The following VPS13C variants were observed in gnomAD, a reference collection of about 807,000 sequenced individuals.
VPS13C encodes the protein vacuolar protein sorting 13 homolog C.
Under a neutral mutation model 456.8 loss-of-function variants are expected in VPS13C, and 358 were observed. That is an observed-to-expected ratio of 0.78 (90% CI 0.72 to 0.86). The LOEUF is 0.86. Among genes scored for constraint, VPS13C ranks in the 40% least tolerant of loss-of-function variants. The pLI is 0.00. For missense variants in VPS13C, 4,818 were observed against 4,385.4 expected (o/e 1.10, Z -2.79); for synonymous variants, 1,578 against 1,486.7 (o/e 1.06, Z -1.41).
intron 49 of VPS13C, among the ~76,000 whole-genome samples, chr15:61,932,832 C>T (rs1021963240): frequency 6.6e-6 from 1 of 152,206 alleles, no homozygotes; most frequent in Non-Finnish European, 1.5e-5. Flanking sequence ...GATGACAACA[C>T]ACTAATGTTT....
intron 10 of VPS13C, among the ~76,000 whole-genome samples, chr15:62,013,669 A>G (rs185745517): frequency 5.3e-5 from 8 of 152,168 alleles, no homozygotes; most frequent in Admixed American, 5.2e-4. Flanking sequence ...TCTCTACAAC[A>G]TCTCAAAATA....
chr15:61,919,661 A>G (rs2043585862), intron 57 of VPS13C, among the ~76,000 whole-genome samples: 1 of 151,870 alleles, frequency 6.6e-6, no homozygotes, highest in South Asian at 2.1e-4. Flanking sequence ...GGGGTTTTGA[A>G]TATAAAAACA....
intron 6 of VPS13C, 133 bp downstream of exon 6, chr15:62,028,225 G>C: frequency 1.2e-6 from 1 of 817,344 alleles, no homozygotes; most frequent in Non-Finnish European, 2.0e-6. Flanking sequence ...AATGATGGTA[G>C]AGGGGGAAAA....
chr15:61,939,102 A>G (rs187870302), intron 47 of VPS13C, among the ~76,000 whole-genome samples: 132 of 152,328 alleles, frequency 8.7e-4, no homozygotes, highest in African/African-American at 2.9e-3. Context: ...TGAAGATACC[A>G]AAATTTTATC....
At position 61,951,942 on chromosome 15, in the gene VPS13C, T is replaced by A. The variant is rs1214838756; in HGVS notation, c.4338A>T (p.Gly1446=). ...VTLMKKSEKK[G]RPLHELNVLQ... ...GGACATTTAGCTCATGTAAAGGCCT[T>A]CCTTTCTTTTCTGATTTTTTCATCA... The change falls in exon 39 of 85, where the codon GGA becomes GGT. Residue 1446 remains glycine (G), a synonymous_variant. Coordinates refer to ENST00000644861, the MANE Select transcript of VPS13C (RefSeq NM_020821.3). 3 of 1,613,280 alleles carry A rather than the reference T, an allele frequency of 1.9e-6. No individual in the cohort carries two copies. The highest frequency in any genetic ancestry group is 3.3e-5 in the Admixed American group (2 of 59,914).
Position 61,867,630 on chromosome 15 carries a change from TA to T in VPS13C, c.10863+1028del. Reference sequence around the variant, plus strand: ...TAAGATAAAATTTTCGAAATGATAGTAACAGTATCTGCTTCTGAGCTCAATA... The same window carrying T: ...TAAGATAAAATTTTCGAAATGATAGTACAGTATCTGCTTCTGAGCTCAATA... On this transcript the variant is annotated intron_variant, in intron 81 of 84. Transcript: ENST00000644861. This position sits in a 1 kb window ranked among gnomAD's most constrained non-coding sequence, Gnocchi z 5.0. 1 of 1,139,450 alleles carries T rather than the reference TA, an allele frequency of 8.8e-7. No individual in the cohort carries two copies. The highest frequency in any genetic ancestry group is 1.1e-6 in the Non-Finnish European group (1 of 929,024). The allele number at this position is 1,139,450 out of a possible 1,614,324, so 70.6% of individuals were successfully genotyped here.
At chr15:61,993,466 C>T (rs752058305) in intron 16 of VPS13C, among the ~76,000 whole-genome samples, 3 of 151,662 alleles carry the variant, frequency 2.0e-5, no homozygotes, top group Non-Finnish European at 4.4e-5. Context: ...GGCGACAAAC[C>T]CCAACATTCA....
Position 61,880,742 on chromosome 15 carries a change from G to C in VPS13C, c.9889-20C>G. 2 of 1,539,662 alleles carry C rather than the reference G, an allele frequency of 1.3e-6. No individual in the cohort carries two copies. The highest frequency in any genetic ancestry group is 1.8e-6 in the Non-Finnish European group (2 of 1,138,672). On this transcript the variant is annotated intron_variant, in intron 72 of 84. Coordinates refer to ENST00000644861, the MANE Select transcript of VPS13C (RefSeq NM_020821.3). ...CTTTGTCTGAAAAAAATAAAATCAAGAATTTCTATTTTAATTTTTTTCTCT... is the reference window on the plus strand; with the variant it reads ...CTTTGTCTGAAAAAAATAAAATCAACAATTTCTATTTTAATTTTTTTCTCT...
rs774914194 is a variant in VPS13C, at chr15:61,920,553, G to T, written c.7157C>A (p.Thr2386Lys). 1.9e-6 allele frequency: 3 copies of T among 1,578,376 alleles called. No homozygotes were observed. Among genetic ancestry groups the T allele is most frequent in the Admixed American group, 4.0e-5 (2 of 50,346 alleles). The change falls in exon 56 of 85, where the codon ACA (threonine) becomes AAA (lysine). Residue 2386 changes from threonine to lysine, a missense_variant. Coordinates refer to ENST00000644861, the MANE Select transcript of VPS13C (RefSeq NM_020821.3). ...ACTTTTGGATATTGTTATATTCATTGTATTTCCTGAAGAAATATGAATTGC... is the reference window on the plus strand; with the variant it reads ...ACTTTTGGATATTGTTATATTCATTTTATTTCCTGAAGAAATATGAATTGC... Reference protein sequence around the residue: ...QMAIHISSGNTMNITISKSCL... With the variant: ...QMAIHISSGNKMNITISKSCL...
In VPS13C at chr15:61,878,689, C is replaced by G. The variant is rs199723460; in HGVS notation, c.10060G>C (p.Glu3354Gln). ...TTGACAGAATGAACTGCAAACATTT[C>G]CTGTTTTTCTTTGTCTGATTCTTCA... ...GGEESDKEKQ[E>Q]MFAVHSVNLL... The change falls in exon 74 of 85, where the codon GAA becomes CAA. Residue 3354 changes from glutamate (E) to glutamine (Q), a missense_variant. Physicochemically the swap from Glu to Gln is conservative, Grantham distance 29. This residue lies in a region of VPS13C where 4,552 missense variants were observed against 4,130.6 expected (regional missense o/e 1.10). Coordinates refer to ENST00000644861, the MANE Select transcript of VPS13C (RefSeq NM_020821.3). 2.5e-6 allele frequency: 4 copies of G among 1,611,488 alleles called. No individual in the cohort carries two copies. Among genetic ancestry groups the G allele is most frequent in the Non-Finnish European group, 2.5e-6 (3 of 1,178,734 alleles).
At chr15:61,876,277 C>T (rs1051018244) in intron 75 of VPS13C, among the ~76,000 whole-genome samples, 1 of 151,912 alleles carries the variant, frequency 6.6e-6, no homozygotes, top group Admixed American at 6.6e-5. Flanking sequence ...TATAAAAACT[C>T]AAAATTTTTT....
At chr15:61,982,332 C>A (rs72749730) in intron 21 of VPS13C, 127 bp downstream of exon 21, 7,122 of 651,518 alleles carry the variant, frequency 0.011, 77 homozygotes, top group Non-Finnish European at 0.015. Flanking sequence ...CCACTCTATA[C>A]TGTAATACAG....
intron 60 of VPS13C, 35 bp downstream of exon 60, chr15:61,917,306 A>C: frequency 1.3e-6 from 2 of 1,596,918 alleles, no homozygotes; most frequent in Non-Finnish European, 1.7e-6. Context: ...TACTCTGTGC[A>C]ACAACAAAAA....
Position 61,910,228 on chromosome 15 carries a change from T to C in VPS13C, c.8793A>G (p.Pro2931=). The C allele has an allele frequency of 6.6e-7, 1 of 1,505,966 alleles. No homozygotes were observed. Among genetic ancestry groups the C allele is most frequent in the Non-Finnish European group, 8.9e-7 (1 of 1,119,890 alleles). The allele number at this position is 1,505,966 out of a possible 1,614,324, so 93.3% of individuals were successfully genotyped here. A position where few individuals can be genotyped will look rare whatever the true frequency, so the allele number is the denominator to read the frequency against. ...RVVGCEGSSK[P]FFYNRQDNGT... is the part of the protein sequence containing the mutation. ...CATTATCCTGTCGGTTATAAAAGAATGGTTTGGAAGATCCTTCACAGCCCA... is the reference window on the plus strand; with the variant it reads ...CATTATCCTGTCGGTTATAAAAGAACGGTTTGGAAGATCCTTCACAGCCCA... The change falls in exon 64 of 85, where the codon CCA becomes CCG. Residue 2931 remains proline, a synonymous_variant. Transcript: ENST00000644861.
intron 45 of VPS13C, among the ~76,000 whole-genome samples, chr15:61,943,790 G>A (rs780138910): frequency 4.0e-5 from 6 of 151,892 alleles, no homozygotes; most frequent in Non-Finnish European, 7.4e-5. Flanking sequence ...ATTGACAAGT[G>A]AGACCTAATT....
rs1190774720 is a variant in VPS13C at position 61,854,260 on chromosome 15, T to C, written c.*197A>G. 3 of 601,516 alleles carry C rather than the reference T, an allele frequency of 5.0e-6. 1 individual carries two copies. Among genetic ancestry groups the C allele is most frequent in the East Asian group, 5.6e-5 (2 of 36,022 alleles). The allele number at this position is 601,516 out of a possible 1,614,324, so 37.3% of individuals were successfully genotyped here. A position where few individuals can be genotyped will look rare whatever the true frequency, so the allele number is the denominator to read the frequency against. ...TTTGGGTGGTGGCGTAGAAGTGGAC[T>C]GCTAGCATATACATGGTTACAAAAT... On this transcript the variant is annotated 3_prime_UTR_variant, in exon 85 of 85. Transcript: ENST00000644861.
intron 67 of VPS13C, among the ~76,000 whole-genome samples, chr15:61,886,615 A>G: frequency 6.6e-6 from 1 of 152,196 alleles, no homozygotes; most frequent in South Asian, 2.1e-4. Flanking sequence ...CCAACAAAAC[A>G]TTATTTATGG....
At chr15:61,893,302 C>T (rs2042707567) in intron 66 of VPS13C, among the ~76,000 whole-genome samples, 1 of 152,076 alleles carries the variant, frequency 6.6e-6, no homozygotes, top group South Asian at 2.1e-4. Context: ...GGAAACCATG[C>T]CCTGCAGGAG....
chr15:61,906,497 T>C (rs138829312), intron 66 of VPS13C: 1 of 152,394 alleles, frequency 6.6e-6, no homozygotes, highest in African/African-American at 2.4e-5. Context: ...GGAGCTACAG[T>C]TGCTAAGTAG....
Sources: allele counts gnomAD v4.1 joint callset (sites outside exome capture counted in the v4.1 genomes callset), GRCh38; gene constraint gnomAD v4.1.1; regional missense constraint gnomAD v4.1.1; non-coding constraint Gnocchi (gnomAD v3.1); transcripts MANE v1.5; gene names NCBI Gene and HGNC (gene_info 2026-07-23, HGNC 2026-07-21).